Variants in ANK2 observed in about 807,000 individuals in gnomAD.
ANK2 encodes ankyrin 2, also known as ankyrin-2.
ANK2 carries 83 observed loss-of-function variants against 360.5 expected under a neutral mutation model. The ratio of observed to expected loss-of-function variants is 0.23; its 90% confidence interval spans 0.19 to 0.28. ANK2 has a LOEUF of 0.28. Ranked by LOEUF, ANK2 falls within the 10% of genes least tolerant of loss-of-function variation. The pLI, the probability that ANK2 is intolerant of heterozygous loss-of-function variation, is 1.00. For missense variants in ANK2, 4,201 were observed against 4,795.7 expected (o/e 0.88, Z 3.66); for synonymous variants, 1,740 against 1,759.5 (o/e 0.99, Z 0.28).
chr4:112,945,101 G>A (rs867759411), intron 2 of ANK2, among the ~76,000 whole-genome samples: 22 of 152,306 alleles, frequency 1.4e-4, no homozygotes, highest in Admixed American at 3.9e-4. Flanking sequence ...TGTATCTTGG[G>A]TTGGCAGGGG....
chr4:113,306,085 G>A (rs974044545), intron 23 of ANK2, among the ~76,000 whole-genome samples: 7 of 152,076 alleles, frequency 4.6e-5, no homozygotes, highest in Non-Finnish European at 7.4e-5. Context: ...ATTGTGTTTC[G>A]GAAAGCTCTA....
Position 113,369,892 on chromosome 4 carries a change from C to T in ANK2, c.11610+87C>T, listed in dbSNP as rs1036503994. The T allele has an allele frequency of 1.6e-4, 242 of 1,551,080 alleles. 1 individual carries two copies. Among genetic ancestry groups the T allele is most frequent in the Middle Eastern group, 1.4e-3 (8 of 5,890 alleles). On this transcript the variant is annotated intron_variant, in intron 43 of 45. Transcript: ENST00000357077. ...CATTTCTATGATGGTTTATTTTTTGCACTTCAAAACAAAAAAGTTAACCAA... is the reference window on the plus strand; with the variant it reads ...CATTTCTATGATGGTTTATTTTTTGTACTTCAAAACAAAAAAGTTAACCAA...
At chr4:113,278,397 T>C in intron 16 of ANK2, 63 bp from the exon 17 acceptor site, 1 of 1,389,702 alleles carries the variant, frequency 7.2e-7, no homozygotes, top group Non-Finnish European at 1.0e-6. Context: ...CCAGGCATCC[T>C]GGTAGCTTCA....
chr4:112,744,621 A>G, the ANK2 span, among the ~76,000 whole-genome samples: 1 of 152,190 alleles, frequency 6.6e-6, no homozygotes, highest in African/African-American at 2.4e-5. Context: ...AAGTGCTGGG[A>G]TTACAGGCAT....
chr4:113,202,660 T>A (rs1297643524), intron 4 of ANK2, among the ~76,000 whole-genome samples: 1 of 152,222 alleles, frequency 6.6e-6, no homozygotes, highest in East Asian at 1.9e-4. Context: ...CTTCAAGGAA[T>A]ATATTCAGTA....
chr4:113,357,595 A>G lies in ANK2; in HGVS notation c.8977A>G (p.Ile2993Val), dbSNP rs1402111630. 6.2e-7 allele frequency: 1 copy of G among 1,614,168 alleles called. No homozygotes were observed. The highest frequency in any genetic ancestry group is 1.1e-5 in the South Asian group (1 of 91,082). Residue 2993 changes from isoleucine to valine, a missense_variant, in exon 38 of 46, where the codon ATA (isoleucine) becomes GTA (valine). By Grantham distance (29) the Ile-to-Val change is conservative. Transcript: ENST00000357077. ...AGAATCTAATTTTGAGGGCCAGGAC[A>G]TAAAAATGGAATCCCAACAGGAAAG... is the stretch of plus-strand genomic sequence containing the variant. ...SKESNFEGQD[I>V]KMESQQESTL...
chr4:113,327,062 A>G (rs1226864284), intron 26 of ANK2, among the ~76,000 whole-genome samples: 3 of 152,106 alleles, frequency 2.0e-5, no homozygotes, highest in East Asian at 1.9e-4. Context: ...AATTTTTCCA[A>G]TTTGCTTTGG....
chr4:112,752,015 G>A, the ANK2 span, among the ~76,000 whole-genome samples: 2 of 152,152 alleles, frequency 1.3e-5, no homozygotes, highest in Admixed American at 1.3e-4. Context: ...GCATTCCCAG[G>A]ACTTATTAAC....
At chr4:113,039,733 G>A (rs1258356759) in intron 2 of ANK2, among the ~76,000 whole-genome samples, 1 of 151,864 alleles carries the variant, frequency 6.6e-6, no homozygotes, top group African/African-American at 2.4e-5. Context: ...ATAGCCTAGG[G>A]GGTTCCAATT....
chr4:112,901,444 A>C (rs902932290), intron 1 of ANK2, among the ~76,000 whole-genome samples: 3 of 152,212 alleles, frequency 2.0e-5, no homozygotes, highest in African/African-American at 7.2e-5. Flanking sequence ...GAAGTTTTTA[A>C]ATAAAGTTTA....
chr4:112,809,191 A>G, the ANK2 span, among the ~76,000 whole-genome samples: 1 of 151,134 alleles, frequency 6.6e-6, no homozygotes, highest in African/African-American at 2.4e-5. Context: ...AGGACAATTC[A>G]TTTGGTAACT....
intron 1 of ANK2, among the ~76,000 whole-genome samples, chr4:112,894,179 A>G (rs578090871): frequency 5.9e-5 from 9 of 152,186 alleles, no homozygotes; most frequent in African/African-American, 2.2e-4. Context: ...AAAAAAATCA[A>G]ATTCTCTCAT....
chr4:113,356,241 C>T lies in ANK2; in HGVS notation c.7623C>T (p.Pro2541=). 6.2e-7 allele frequency: 1 copy of T among 1,614,040 alleles called. No individual in the cohort carries two copies. The highest frequency in any genetic ancestry group is 8.5e-7 in the Non-Finnish European group (1 of 1,179,982). ...SGKSPLSPDT[P]SSEEVSYEVT... is the part of the protein sequence containing the mutation. ...AGAGCCCCCTTTCTCCTGACACCCC[C>T]AGCTCTGAAGAAGTCAGCTATGAGG... The change falls in exon 38 of 46, where the codon CCC becomes CCT. Residue 2541 remains proline (P), a synonymous_variant. Coordinates refer to ENST00000357077, the MANE Select transcript of ANK2 (RefSeq NM_001148.6).
At chr4:113,014,297 T>C (rs967451447) in intron 2 of ANK2, among the ~76,000 whole-genome samples, 1 of 152,254 alleles carries the variant, frequency 6.6e-6, no homozygotes, top group Non-Finnish European at 1.5e-5. Flanking sequence ...TAATTAAGTA[T>C]GTACTAGGCA....
At chr4:113,069,144 G>T (rs896753019) in intron 1 of ANK2, among the ~76,000 whole-genome samples, 2 of 152,132 alleles carry the variant, frequency 1.3e-5, no homozygotes, top group South Asian at 2.1e-4. Flanking sequence ...GAAGTAAAAG[G>T]TGAGGTAAGC....
intron 10 of ANK2, 27 bp from the exon 11 acceptor site, chr4:113,255,708 A>G: frequency 6.2e-7 from 1 of 1,609,174 alleles, no homozygotes. Context: ...AAAAAAGGAC[A>G]TTATTTTGTT....
At chr4:113,028,125 G>A (rs1204629593) in intron 2 of ANK2, among the ~76,000 whole-genome samples, 2 of 151,920 alleles carry the variant, frequency 1.3e-5, no homozygotes, top group African/African-American at 2.4e-5. Context: ...ACATTTGCTT[G>A]TATCTAGTAG....
At chr4:113,300,881 C>A (rs2074594689) in intron 22 of ANK2, among the ~76,000 whole-genome samples, 1 of 152,126 alleles carries the variant, frequency 6.6e-6, no homozygotes, top group Non-Finnish European at 1.5e-5. Flanking sequence ...AAAGAGCCAC[C>A]AAAAAGCTCA....
chr4:112,853,698 A>C (rs185095732), intron 1 of ANK2, among the ~76,000 whole-genome samples: 10 of 152,370 alleles, frequency 6.6e-5, no homozygotes, highest in Admixed American at 2.0e-4. Context: ...TTATTAAAAA[A>C]TTAGCTAAGT....
Sources: allele counts gnomAD v4.1 joint callset (sites outside exome capture counted in the v4.1 genomes callset), GRCh38; gene constraint gnomAD v4.1.1; transcripts MANE v1.5; gene names NCBI Gene and HGNC (gene_info 2026-07-23, HGNC 2026-07-21).